PIP5K1B: variants seen among roughly 807,000 people sequenced by gnomAD.
PIP5K1B encodes the protein phosphatidylinositol 4-phosphate 5-kinase type-1 beta.
In PIP5K1B, 42 loss-of-function variants were observed where a neutral mutation model predicts 67.0. That is an observed-to-expected ratio of 0.63 (90% CI 0.49 to 0.81). The LOEUF (loss-of-function observed/expected upper bound fraction) is 0.81, where lower values mean the gene tolerates loss of function less well. Among genes scored for constraint, PIP5K1B ranks in the 30% least tolerant of loss-of-function variants. The pLI is 0.00. For missense variants in PIP5K1B, 459 were observed against 646.3 expected (o/e 0.71, Z 3.14); for synonymous variants, 214 against 231.4 (o/e 0.92, Z 0.68).
chr9:68,780,872 T>C (rs1831226133), intron 2 of PIP5K1B: 2 of 1,614,098 alleles, frequency 1.2e-6, no homozygotes, highest in Non-Finnish European at 1.7e-6. Context: ...CAGATCCTGG[T>C]GTGTGTGTAT....
chr9:68,788,780 T>C, intron 2 of PIP5K1B: 1 of 256,446 alleles, frequency 3.9e-6, no homozygotes, highest in Non-Finnish European at 8.1e-6. Flanking sequence ...CCTGCTTGGG[T>C]CCCACCATTA....
At chr9:68,922,358 G>A (rs1487415951) in intron 11 of PIP5K1B, among the ~76,000 whole-genome samples, 2 of 151,076 alleles carry the variant, frequency 1.3e-5, no homozygotes, top group African/African-American at 4.9e-5. Flanking sequence ...AGCTACTGAT[G>A]ATGCCGATGC....
intron 1 of PIP5K1B, among the ~76,000 whole-genome samples, chr9:68,727,213 G>T (rs766565545): frequency 6.6e-6 from 1 of 152,012 alleles, no homozygotes; most frequent in Non-Finnish European, 1.5e-5. Flanking sequence ...ATTCAAGCAT[G>T]GTATCAACAG....
chr9:68,867,504 A>G (rs1236302611), intron 5 of PIP5K1B, among the ~76,000 whole-genome samples: 2 of 152,250 alleles, frequency 1.3e-5, no homozygotes, highest in Non-Finnish European at 2.9e-5. Flanking sequence ...TGGATAAGAC[A>G]ACTCTGTGCA....
intron 5 of PIP5K1B, among the ~76,000 whole-genome samples, chr9:68,864,860 T>C (rs1371063492): frequency 6.6e-6 from 1 of 152,216 alleles, no homozygotes; most frequent in African/African-American, 2.4e-5. Flanking sequence ...AGTCATGTTA[T>C]TACCAGGCTT....
chr9:68,914,275 A>C (rs1441926111), intron 8 of PIP5K1B, among the ~76,000 whole-genome samples: 1 of 152,116 alleles, frequency 6.6e-6, no homozygotes, highest in East Asian at 1.9e-4. Flanking sequence ...AAGCTTGACC[A>C]CTCCTAACTT....
intron 2 of PIP5K1B, chr9:68,782,205 AT>A (rs1344263216): frequency 6.0e-6 from 1 of 167,094 alleles, no homozygotes; most frequent in Non-Finnish European, 1.5e-5. Context: ...AGGACTGTGA[AT>A]TGTTTAACCT....
At chr9:68,986,971 G>A (rs1026311497) in intron 14 of PIP5K1B, among the ~76,000 whole-genome samples, 1 of 152,224 alleles carries the variant, frequency 6.6e-6, no homozygotes, top group Non-Finnish European at 1.5e-5. Context: ...AAATTTTGGA[G>A]GCTGGGCACT....
intron 2 of PIP5K1B, among the ~76,000 whole-genome samples, chr9:68,786,711 G>A (rs1376506670): frequency 1.3e-5 from 2 of 151,828 alleles, no homozygotes; most frequent in Admixed American, 1.3e-4. Context: ...TTTCCCTATA[G>A]CATTAATTTT....
chr9:68,769,523 T>C (rs1002233390), intron 2 of PIP5K1B, among the ~76,000 whole-genome samples: 6 of 152,252 alleles, frequency 3.9e-5, no homozygotes, highest in African/African-American at 1.4e-4. Context: ...ACACTGAAAG[T>C]ATAACTAGCT....
intron 2 of PIP5K1B, chr9:68,784,725 G>A (rs957406708): frequency 2.5e-5 from 4 of 157,098 alleles, no homozygotes; most frequent in Non-Finnish European, 5.9e-5. Flanking sequence ...CCAAGAAGAT[G>A]ATGATCATTT....
intron 13 of PIP5K1B, among the ~76,000 whole-genome samples, chr9:68,936,468 TG>T (rs1208790645): frequency 3.3e-5 from 5 of 152,132 alleles, no homozygotes; most frequent in African/African-American, 1.2e-4. Flanking sequence ...TAATCAAATA[TG>T]GGAGAATGAC....
chr9:69,007,355 A>G (rs1359815850), intron 15 of PIP5K1B, among the ~76,000 whole-genome samples: 5 of 152,062 alleles, frequency 3.3e-5, no homozygotes, highest in Non-Finnish European at 7.4e-5. Flanking sequence ...CTTCACTACA[A>G]TTTTGGGGGT....
chr9:68,926,116 G>C (rs944415868), intron 12 of PIP5K1B, among the ~76,000 whole-genome samples: 5 of 151,868 alleles, frequency 3.3e-5, no homozygotes, highest in Admixed American at 3.3e-4. Flanking sequence ...TTTTAAGAAA[G>C]ATTTTTTTCA....
At chr9:68,969,099 T>C (rs981973913) in intron 14 of PIP5K1B, among the ~76,000 whole-genome samples, 1 of 152,070 alleles carries the variant, frequency 6.6e-6, no homozygotes, top group African/African-American at 2.4e-5. Context: ...CCGGGCGCGG[T>C]GGCTCATGCC....
chr9:68,777,501 G>A (rs1830976972), intron 2 of PIP5K1B, among the ~76,000 whole-genome samples: 1 of 152,160 alleles, frequency 6.6e-6, no homozygotes, highest in Non-Finnish European at 1.5e-5. Context: ...AGTTATGAAA[G>A]CCTCTCCATC....
chr9:68,721,996 A>T (rs1414862395), intron 1 of PIP5K1B, among the ~76,000 whole-genome samples: 1 of 152,040 alleles, frequency 6.6e-6, no homozygotes, highest in Non-Finnish European at 1.5e-5. Flanking sequence ...GAGCCCACTG[A>T]TCCCCACTCT....
chr9:68,901,844 C>T (rs1407510127), intron 8 of PIP5K1B, among the ~76,000 whole-genome samples: 1 of 152,148 alleles, frequency 6.6e-6, no homozygotes, highest in East Asian at 1.9e-4. Context: ...CTAGCCAAGC[C>T]AGGTTTTATT....
chr9:68,964,746 C>T (rs1217863974), intron 14 of PIP5K1B, among the ~76,000 whole-genome samples: 1 of 152,204 alleles, frequency 6.6e-6, no homozygotes, highest in Non-Finnish European at 1.5e-5. Context: ...TCTGGGAAGA[C>T]TACCGTAGAG....
Sources: allele counts gnomAD v4.1 joint callset (sites outside exome capture counted in the v4.1 genomes callset), GRCh38; gene constraint gnomAD v4.1.1; transcripts MANE v1.5; gene names NCBI Gene and HGNC (gene_info 2026-07-23, HGNC 2026-07-21).